Variants in SVEP1 observed in about 807,000 individuals in gnomAD.
SVEP1 encodes sushi, von Willebrand factor type A, EGF and pentraxin domain containing 1.
In SVEP1, 164 loss-of-function variants were observed where a neutral mutation model predicts 367.3. That is an observed-to-expected ratio of 0.45 (90% CI 0.39 to 0.51). The LOEUF is 0.51. Ranked by LOEUF, SVEP1 falls within the 20% of genes least tolerant of loss-of-function variation. The probability of loss-of-function intolerance (pLI) is 0.00; values close to 1 mark genes in which losing one functional copy is unlikely to be tolerated. For synonymous variants in SVEP1, 1,666 were observed against 1,611.6 expected, an observed-to-expected ratio of 1.03 and a Z score of -0.81; for missense variants, 4,117 against 4,425.3, an observed-to-expected ratio of 0.93 and a Z score of 1.98.
chr9:110,415,241 CT>C (rs1411472019), intron 36 of SVEP1, among the ~76,000 whole-genome samples: 2 of 151,980 alleles, frequency 1.3e-5, no homozygotes, highest in East Asian at 3.8e-4. Context: ...CATTTTTGTC[CT>C]AAGCTTAAGA....
intron 18 of SVEP1, among the ~76,000 whole-genome samples, chr9:110,463,299 TTGAG>T (rs1406196396): frequency 4.6e-5 from 7 of 152,096 alleles, no homozygotes; most frequent in African/African-American, 1.7e-4. Context: ...TTTCAGACTC[TTGAG>T]TGTGTACCTA....
intron 3 of SVEP1, among the ~76,000 whole-genome samples, chr9:110,528,156 G>GTGTATGTATATATATATATATA: frequency 5.9e-5 from 2 of 33,940 alleles, no homozygotes; most frequent in African/African-American, 1.1e-4. Flanking sequence ...GTGTGTGTGT[G>GTGTATGTATATATATATATATA]TATATATATA....
chr9:110,486,476 G>A (rs991853763), intron 9 of SVEP1, among the ~76,000 whole-genome samples: 1 of 152,136 alleles, frequency 6.6e-6, no homozygotes, highest in African/African-American at 2.4e-5. Flanking sequence ...TCATAAGGGT[G>A]ACACCAACAC....
chr9:110,579,656 G>A lies in SVEP1; in HGVS notation c.-113C>T. 2.3e-6 allele frequency: 3 copies of A among 1,283,358 alleles called. No homozygotes were observed. Among genetic ancestry groups the A allele is most frequent in the South Asian group, 3.3e-5 (2 of 60,758 alleles). The allele number at this position is 1,283,358 out of a possible 1,614,324, so 79.5% of individuals were successfully genotyped here. A position where few individuals can be genotyped will look rare whatever the true frequency, so the allele number is the denominator to read the frequency against. On this transcript the variant is annotated 5_prime_UTR_variant, in exon 1 of 48. Coordinates refer to ENST00000374469, the MANE Select transcript of SVEP1 (RefSeq NM_153366.4). This position sits in a 1 kb window ranked among gnomAD's most constrained non-coding sequence, Gnocchi z 5.3. ...TGCGCGGAGCTGGGCGCGGGGCAGC[G>A]GCCAAGAGCCTCAGCGCCCTTTCAT...
chr9:110,431,230 T>C (rs1427322298), intron 32 of SVEP1, among the ~76,000 whole-genome samples: 3 of 152,210 alleles, frequency 2.0e-5, no homozygotes, highest in African/African-American at 2.4e-5. Context: ...AAGTTACTTA[T>C]GGAAAATCCA....
intron 20 of SVEP1, among the ~76,000 whole-genome samples, chr9:110,457,805 T>C (rs11998783): frequency 0.02 from 3,014 of 152,248 alleles, 82 homozygotes; most frequent in African/African-American, 0.068. Flanking sequence ...ATATGATTTA[T>C]AGAGTCCTAA....
At chr9:110,454,174 T>C (rs1371289109) in intron 22 of SVEP1, among the ~76,000 whole-genome samples, 1 of 152,182 alleles carries the variant, frequency 6.6e-6, no homozygotes, top group East Asian at 1.9e-4. Flanking sequence ...GTTTACTCCA[T>C]TGATGCTTTC....
Position 110,579,265 on chromosome 9 carries a change from G to T in SVEP1, c.279C>A (p.Ser93Arg). Residue 93 changes from serine (S) to arginine (R), a missense_variant, in exon 1 of 48, where the codon AGC becomes AGA. Physicochemically the swap from Ser to Arg is moderately radical, Grantham distance 110. Coordinates refer to ENST00000374469, the MANE Select transcript of SVEP1 (RefSeq NM_153366.4). The surrounding 1 kb of genome is among the most constrained non-coding windows in gnomAD (Gnocchi z 5.3). ...CGCTGCGGAAGTTGACTTCGCCCACGCTGGACGAATCATCCACCAGGAAGA... is the reference window on the plus strand; with the variant it reads ...CGCTGCGGAAGTTGACTTCGCCCACTCTGGACGAATCATCCACCAGGAAGA... ...ELVFLVDDSSSVGEVNFRSEL... is the reference protein window; with the variant it reads ...ELVFLVDDSSRVGEVNFRSEL... 1 of 1,572,164 alleles carries T rather than the reference G, an allele frequency of 6.4e-7. No homozygotes were observed. Among genetic ancestry groups the T allele is most frequent in the Non-Finnish European group, 8.6e-7 (1 of 1,160,038 alleles).
Position 110,379,580 on chromosome 9 carries a change from ATC to A in SVEP1, c.10238-65_10238-64del, listed in dbSNP as rs1360802293. 3.3e-5 allele frequency: 49 copies of A among 1,499,302 alleles called. No individual in the cohort carries two copies. The African/African-American group carries it at 6.4e-4, about 20-fold the overall frequency. 92.9% of individuals were successfully genotyped at this position (1,499,302 alleles called of 1,614,324 possible). A position where few individuals can be genotyped will look rare whatever the true frequency, so the allele number is the denominator to read the frequency against. ...TAACACAGACTGAGAACACAGTCTC[ATC>A]TCTCAGAATGAATTAAAGAGCAAAA... On this transcript the variant is annotated intron_variant, in intron 43 of 47. Transcript: ENST00000374469.
chr9:110,484,088 T>G (rs1829240481), intron 9 of SVEP1, among the ~76,000 whole-genome samples: 1 of 152,158 alleles, frequency 6.6e-6, no homozygotes, highest in Non-Finnish European at 1.5e-5. Context: ...ATTCCCATGA[T>G]GTTCCTCTTA....
At chr9:110,530,260 G>T (rs1335306939) in intron 3 of SVEP1, among the ~76,000 whole-genome samples, 1 of 152,068 alleles carries the variant, frequency 6.6e-6, no homozygotes, top group Non-Finnish European at 1.5e-5. Flanking sequence ...TGATTTGCTG[G>T]TATTTTGGTA....
rs571103822 is a variant in SVEP1, at chr9:110,393,458, G to A, written c.9823-3871C>T. Among the ~76,000 whole-genome samples, 83 of 152,294 alleles carry A rather than the reference G, an allele frequency of 5.4e-4. 2 individuals are homozygous for A. The South Asian group carries it at 0.014, about 26-fold the overall frequency. On this transcript the variant is annotated intron_variant, in intron 40 of 47. Transcript: ENST00000374469. ...TCCCAGCGTGAGCGACGCAGAAGAC[G>A]GGTGATTTCTGCATTTCCAACTGAG...
intron 40 of SVEP1, among the ~76,000 whole-genome samples, chr9:110,390,025 GTGTATA>G (rs1827605786): frequency 9.5e-6 from 1 of 105,050 alleles, no homozygotes; most frequent in Admixed American, 1.2e-4. Context: ...GTGTGTGTGT[GTGTATA>G]TATATATAAG....
intron 11 of SVEP1, 140 bp from the exon 12 acceptor site, chr9:110,481,576 T>C (rs1385936992): frequency 5.6e-6 from 3 of 533,058 alleles, no homozygotes; most frequent in Admixed American, 3.9e-5. Context: ...ATGTCTTTAG[T>C]GCAGGAGAAG....
rs542910348 is a variant in SVEP1, at chr9:110,466,435, T to G, written c.3161-409A>C. 8.5e-5 allele frequency among the ~76,000 whole-genome samples: 13 copies of G among 152,204 alleles called. No homozygotes were observed. The East Asian group carries it at 2.3e-3, about 27-fold the overall frequency. On this transcript the variant is annotated intron_variant, in intron 17 of 47. Coordinates refer to ENST00000374469, the MANE Select transcript of SVEP1 (RefSeq NM_153366.4). ...CAAAACCCCAAACCTAGCTAGAGCC[T>G]TATAAACTACTCTGAAATCTCTGCT...
chr9:110,578,878 T>G, intron 1 of SVEP1, 135 bp downstream of exon 1: 11 of 971,074 alleles, frequency 1.1e-5, no homozygotes, highest in Non-Finnish European at 1.7e-5. Flanking sequence ...TGACTCTGGT[T>G]TTGTGGATGG....
chr9:110,562,928 G>A (rs1830449601), intron 1 of SVEP1, among the ~76,000 whole-genome samples: 1 of 152,060 alleles, frequency 6.6e-6, no homozygotes, highest in South Asian at 2.1e-4. Flanking sequence ...CTGACCTCAG[G>A]TGATCCAACT....
rs1242906963 is a variant in SVEP1, at chr9:110,430,458, CAG to C, written c.5354-10_5354-9del. On this transcript the variant is annotated splice_polypyrimidine_tract_variant and intron_variant, in intron 32 of 47. Transcript: ENST00000374469. ...CCTTACATTTTATAGGTTCTAGAAACAGACAGTTTTGGTGGAATAATAAGTGG... is the reference window on the plus strand; with the variant it reads ...CCTTACATTTTATAGGTTCTAGAAACACAGTTTTGGTGGAATAATAAGTGG... 2 of 1,603,266 alleles carry C rather than the reference CAG, an allele frequency of 1.2e-6. No homozygotes were observed. Among genetic ancestry groups the C allele is most frequent in the South Asian group, 2.2e-5 (2 of 89,212 alleles).
At chr9:110,548,904 C>A (rs967838615) in intron 2 of SVEP1, among the ~76,000 whole-genome samples, 10 of 152,170 alleles carry the variant, frequency 6.6e-5, no homozygotes, top group African/African-American at 2.4e-4. Flanking sequence ...GGGAGAAATG[C>A]TTGAGCCCAG....
Sources: allele counts gnomAD v4.1 joint callset (sites outside exome capture counted in the v4.1 genomes callset), GRCh38; gene constraint gnomAD v4.1.1; non-coding constraint Gnocchi (gnomAD v3.1); transcripts MANE v1.5; gene names NCBI Gene and HGNC (gene_info 2026-07-23, HGNC 2026-07-21).